The following SLC4A4 variants were observed in gnomAD, a reference collection of about 807,000 sequenced individuals.
The protein encoded by SLC4A4 is electrogenic sodium bicarbonate cotransporter 1.
SLC4A4 carries 27 observed loss-of-function variants against 111.5 expected under a neutral mutation model. The ratio of observed to expected loss-of-function variants is 0.24; its 90% confidence interval spans 0.18 to 0.33. The LOEUF is 0.33. Ranked by LOEUF, SLC4A4 falls within the 10% of genes least tolerant of loss-of-function variation. The probability of loss-of-function intolerance (pLI) is 1.00; values close to 1 mark genes in which losing one functional copy is unlikely to be tolerated. For synonymous variants in SLC4A4, 443 were observed against 463.4 expected, an observed-to-expected ratio of 0.96 and a Z score of 0.57; for missense variants, 909 against 1,315.5, an observed-to-expected ratio of 0.69 and a Z score of 4.78.
rs1019246702 is a variant in SLC4A4, at chr4:71,476,473, A to G, written c.1903+3503A>G. On this transcript the variant is annotated intron_variant, in intron 14 of 25. Coordinates refer to ENST00000264485, the MANE Select transcript of SLC4A4 (RefSeq NM_001098484.3). ...GACAGTATGTAACAGTGAACCAGCAATTGCACAGATGGAGTCGTGATCCTG... is the reference window on the plus strand; with the variant it reads ...GACAGTATGTAACAGTGAACCAGCAGTTGCACAGATGGAGTCGTGATCCTG... Among the ~76,000 whole-genome samples the G allele has an allele frequency of 2.6e-5, 4 of 151,846 alleles. No individual in the cohort carries two copies. The East Asian group carries it at 5.9e-4, about 22-fold the overall frequency.
chr4:71,502,886 A>C (rs1731073494), intron 16 of SLC4A4, among the ~76,000 whole-genome samples: 1 of 151,994 alleles, frequency 6.6e-6, no homozygotes, highest in African/African-American at 2.4e-5. Flanking sequence ...TTCCTTGTTG[A>C]TTTTCTGTAT....
At chr4:71,277,672 TTC>T (rs1191989853) in intron 3 of SLC4A4, among the ~76,000 whole-genome samples, 1 of 151,502 alleles carries the variant, frequency 6.6e-6, no homozygotes, top group Non-Finnish European at 1.5e-5. Context: ...CTGTTTTTCT[TTC>T]TCTTTTTCTC....
intron 1 of SLC4A4, among the ~76,000 whole-genome samples, chr4:71,194,577 C>A (rs528896794): frequency 6.6e-6 from 1 of 152,106 alleles, no homozygotes; most frequent in Non-Finnish European, 1.5e-5. Context: ...TTTGAGATCA[C>A]CCATTTCTAT....
chr4:71,084,974 C>T lies in SLC4A4; in HGVS notation c.-64-7756C>T, dbSNP rs181221585. On this transcript the variant is annotated intron_variant, in intron 1 of 26. Transcript: ENST00000649996. ...TGCTTGCTATAGATCCCTGAGGAAT[C>T]GCCACACTAACTTCCACAATGGTTG... 8.6e-4 allele frequency among the ~76,000 whole-genome samples: 131 copies of T among 152,198 alleles called. 1 individual carries two copies. Among genetic ancestry groups the T allele is most frequent in the South Asian group, 3.5e-3 (17 of 4,830 alleles).
intron 14 of SLC4A4, among the ~76,000 whole-genome samples, chr4:71,482,891 C>T (rs1261873227): frequency 6.6e-6 from 1 of 151,596 alleles, no homozygotes; most frequent in Non-Finnish European, 1.5e-5. Flanking sequence ...TTGCTACCAA[C>T]TCTGCTTCTG....
intron 1 of SLC4A4, among the ~76,000 whole-genome samples, chr4:71,195,230 GTTTTTTTTTTTTT>G (rs66527038): frequency 8.6e-5 from 8 of 93,198 alleles, no homozygotes; most frequent in South Asian, 3.5e-4. Flanking sequence ...CTGTATTTGA[GTTTTTTTTTTTTT>G]TTTTTTTTTT....
intron 1 of SLC4A4, among the ~76,000 whole-genome samples, chr4:71,234,380 A>G (rs2065346606): frequency 6.6e-6 from 1 of 152,198 alleles, no homozygotes; most frequent in Non-Finnish European, 1.5e-5. Context: ...TTTAATCCTC[A>G]TGGGAACCAG....
At chr4:71,321,215 G>A (rs1039074558) in intron 3 of SLC4A4, among the ~76,000 whole-genome samples, 2 of 151,968 alleles carry the variant, frequency 1.3e-5, no homozygotes, top group African/African-American at 4.8e-5. Context: ...TTAGAAGGAA[G>A]TTTATTTCTA....
intron 1 of SLC4A4, among the ~76,000 whole-genome samples, chr4:71,211,864 G>A (rs1484355887): frequency 1.3e-5 from 2 of 150,890 alleles, no homozygotes; most frequent in African/African-American, 4.9e-5. Context: ...GCCTGGAGTT[G>A]TGCAAAAATG....
chr4:71,128,525 G>T (rs148711285), intron 2 of SLC4A4, among the ~76,000 whole-genome samples: 7 of 152,270 alleles, frequency 4.6e-5, no homozygotes, highest in Middle Eastern at 3.4e-3. Context: ...GTCTCACTCT[G>T]TTGCCCAGGC....
At chr4:71,393,392 T>A (rs940887829) in intron 6 of SLC4A4, among the ~76,000 whole-genome samples, 1 of 152,116 alleles carries the variant, frequency 6.6e-6, no homozygotes, top group Admixed American at 6.5e-5. Flanking sequence ...GAGAATCAAA[T>A]CAAGAATGCA....
intron 3 of SLC4A4, among the ~76,000 whole-genome samples, chr4:71,255,864 C>G (rs76042080): frequency 4.5e-4 from 69 of 152,148 alleles, no homozygotes; most frequent in Admixed American, 1.8e-3. Context: ...TGAGTCAGGT[C>G]AGTGATTTAA....
intron 2 of SLC4A4, among the ~76,000 whole-genome samples, chr4:71,130,600 T>G (rs912582969): frequency 6.6e-6 from 1 of 152,226 alleles, no homozygotes; most frequent in Non-Finnish European, 1.5e-5. Context: ...AGTGATATCA[T>G]ACTTATTTTG....
At chr4:71,133,739 A>G (rs899733118) in intron 2 of SLC4A4, among the ~76,000 whole-genome samples, 1 of 152,194 alleles carries the variant, frequency 6.6e-6, no homozygotes, top group African/African-American at 2.4e-5. Context: ...CTATTGATGT[A>G]ATCATCTCCC....
At chr4:71,476,980 A>G (rs1226563904) in intron 14 of SLC4A4, among the ~76,000 whole-genome samples, 3 of 151,806 alleles carry the variant, frequency 2.0e-5, no homozygotes, top group Admixed American at 2.0e-4. Flanking sequence ...AAGAAAAACG[A>G]TAATTTAGTT....
intron 7 of SLC4A4, among the ~76,000 whole-genome samples, chr4:71,430,729 T>C (rs1187533276): frequency 6.6e-6 from 1 of 152,176 alleles, no homozygotes; most frequent in African/African-American, 2.4e-5. Context: ...GGTTTCATTT[T>C]GGGTGCTGAC....
chr4:71,339,006 T>G (rs1728662301), intron 3 of SLC4A4: 1 of 1,376,498 alleles, frequency 7.3e-7, no homozygotes. Flanking sequence ...AGTGACTGGT[T>G]CAAGCTGGCT....
intron 3 of SLC4A4, among the ~76,000 whole-genome samples, chr4:71,328,845 T>C (rs1229612378): frequency 6.6e-6 from 1 of 152,182 alleles, no homozygotes; most frequent in Non-Finnish European, 1.5e-5. Context: ...TTCTCCATTT[T>C]TGCTTTGGTT....
intron 2 of SLC4A4, among the ~76,000 whole-genome samples, chr4:71,132,368 A>G (rs757590410): frequency 6.6e-6 from 1 of 152,164 alleles, no homozygotes; most frequent in Non-Finnish European, 1.5e-5. Context: ...CTGCAAAATT[A>G]TCTTGAAGCA....
Sources: gnomAD v4.1 joint callset for allele counts (sites outside exome capture counted in the v4.1 genomes callset) on GRCh38, gnomAD v4.1.1 for gene constraint, MANE v1.5 for transcripts, NCBI Gene and HGNC (gene_info 2026-07-23, HGNC 2026-07-21) for gene names.